The following MAP7 variants were observed in gnomAD, a reference collection of about 807,000 sequenced individuals.
MAP7 encodes the protein microtubule associated protein 7, also known as ensconsin.
A neutral mutation model predicts 94.8 loss-of-function variants in MAP7; 52 were observed. The ratio of observed to expected loss-of-function variants is 0.55; its 90% CI spans 0.44 to 0.69. The LOEUF (loss-of-function observed/expected upper bound fraction) is 0.69. MAP7 is among the 30% of genes least tolerant of loss of function. MAP7 has a pLI of 0.00. For synonymous variants in MAP7, 350 were observed against 357.0 expected (o/e 0.98, Z 0.22); for missense variants, 940 against 964.6 (o/e 0.97, Z 0.34).
At chr6:136,487,388 T>C (rs147432746) in intron 1 of MAP7, among the ~76,000 whole-genome samples, 1 of 152,232 alleles carries the variant, frequency 6.6e-6, no homozygotes, top group East Asian at 1.9e-4. Flanking sequence ...TTATAGATGA[T>C]TTAGAAACAA....
intron 1 of MAP7, among the ~76,000 whole-genome samples, chr6:136,508,470 T>A (rs990467754): frequency 3.3e-5 from 5 of 152,216 alleles, no homozygotes; most frequent in African/African-American, 9.6e-5. Context: ...TTAATTTTTT[T>A]ATCAAATGTT....
At chr6:136,514,377 G>A (rs1450137010) in intron 1 of MAP7, among the ~76,000 whole-genome samples, 3 of 152,010 alleles carry the variant, frequency 2.0e-5, no homozygotes, top group African/African-American at 7.2e-5. Context: ...CTGAGGTCAG[G>A]AGTTTGAGAC....
At chr6:136,490,103 A>T (rs1816104122) in intron 1 of MAP7, among the ~76,000 whole-genome samples, 2 of 152,322 alleles carry the variant, frequency 1.3e-5, no homozygotes, top group South Asian at 4.1e-4. Flanking sequence ...AGCCTTCAAC[A>T]ATCACATGCT....
At chr6:136,370,707 C>T (rs1023694889) in intron 8 of MAP7, among the ~76,000 whole-genome samples, 10 of 151,908 alleles carry the variant, frequency 6.6e-5, no homozygotes, top group Non-Finnish European at 1.5e-5. Context: ...TATAAAGTAG[C>T]TAAATTCATA....
At chr6:136,476,835 G>T (rs995581481) in intron 1 of MAP7, among the ~76,000 whole-genome samples, 1 of 152,100 alleles carries the variant, frequency 6.6e-6, no homozygotes, top group East Asian at 1.9e-4. Flanking sequence ...TTAGCAAAAA[G>T]AATTATAACT....
intron 5 of MAP7, among the ~76,000 whole-genome samples, chr6:136,386,103 C>T (rs892213101): frequency 3.9e-5 from 6 of 152,122 alleles, no homozygotes; most frequent in African/African-American, 9.7e-5. Context: ...CAGTGCTAGT[C>T]GATGGCCAGC....
Position 136,360,988 on chromosome 6 carries a change from G to T in MAP7, c.1701+17C>A. ...CTGCGGGACTGGGGCCGGGGCCAGG[G>T]TGGGGTGCGGCCGCACCTGCCTCTG... is the stretch of plus-strand genomic sequence containing the variant. On this transcript the variant is annotated intron_variant, in intron 12 of 17. Transcript: ENST00000354570. 1 of 1,560,012 alleles carries T rather than the reference G, an allele frequency of 6.4e-7. No individual in the cohort carries two copies. The highest frequency in any genetic ancestry group is 8.6e-7 in the Non-Finnish European group (1 of 1,161,078).
At chr6:136,390,876 A>G (rs528875031) in intron 3 of MAP7, among the ~76,000 whole-genome samples, 1 of 152,242 alleles carries the variant, frequency 6.6e-6, no homozygotes, top group East Asian at 1.9e-4. Context: ...TTCTCCTGGC[A>G]TCATTCAGGG....
intron 1 of MAP7, among the ~76,000 whole-genome samples, chr6:136,457,825 T>C (rs1803835263): frequency 6.6e-6 from 1 of 152,074 alleles, no homozygotes; most frequent in Non-Finnish European, 1.5e-5. Flanking sequence ...AGGCCATATA[T>C]GAAACCTCAC....
At chr6:136,441,820 G>C (rs1797954356) in intron 1 of MAP7, among the ~76,000 whole-genome samples, 1 of 152,184 alleles carries the variant, frequency 6.6e-6, no homozygotes, top group Non-Finnish European at 1.5e-5. Flanking sequence ...TTGTAGATCA[G>C]CCTGGATAAC....
chr6:136,389,293 A>C, intron 4 of MAP7, 61 bp downstream of exon 4: 1 of 1,496,484 alleles, frequency 6.7e-7, no homozygotes, highest in Non-Finnish European at 8.9e-7. Context: ...AGTTTCACAG[A>C]AAGTTTGCTG....
rs1193749181 is a variant in MAP7, at chr6:136,526,571, A to G, written c.67+23771T>C. On this transcript the variant is annotated intron_variant, in intron 1 of 17. Transcript: ENST00000354570. ...CAGCTGAGAAGCGGCAGCTTGCAGG[A>G]TGCTGGGTTCTGGGAACTCACCAGC... The G allele has an allele frequency of 4.1e-6, 4 of 985,520 alleles. No homozygotes were observed. In the East Asian group the frequency reaches 4.5e-4, roughly 112 times the overall value. The allele number at this position is 985,520 out of a possible 1,614,324, so 61.0% of individuals were successfully genotyped here. A position where few individuals can be genotyped will look rare whatever the true frequency, so the allele number is the denominator to read the frequency against.
chr6:136,469,146 T>C (rs1476785878), intron 1 of MAP7, among the ~76,000 whole-genome samples: 1 of 152,154 alleles, frequency 6.6e-6, no homozygotes, highest in Non-Finnish European at 1.5e-5. Flanking sequence ...ATCAATTATG[T>C]ATCATCTTAA....
chr6:136,521,056 G>A (rs1230513182), intron 1 of MAP7, among the ~76,000 whole-genome samples: 2 of 152,144 alleles, frequency 1.3e-5, no homozygotes, highest in South Asian at 4.1e-4. Flanking sequence ...ACTGGAGCAC[G>A]CATGACCCAT....
rs937005280 is a variant in MAP7, at chr6:136,489,392, C to A, written c.67+60950G>T. 5.9e-5 allele frequency among the ~76,000 whole-genome samples: 9 copies of A among 152,156 alleles called. No homozygotes were observed. In the South Asian group the frequency reaches 1.9e-3, roughly 32 times the overall value. On this transcript the variant is annotated intron_variant, in intron 1 of 17. Transcript: ENST00000354570. ...CCTTTTATCCCGAACATTAATGATTCCTTTTTTTCTTTTCCATTCTTGCCT... is the reference window on the plus strand; with the variant it reads ...CCTTTTATCCCGAACATTAATGATTACTTTTTTTCTTTTCCATTCTTGCCT...
chr6:136,459,842 G>A (rs1487450879), intron 1 of MAP7, among the ~76,000 whole-genome samples: 1 of 152,070 alleles, frequency 6.6e-6, no homozygotes, highest in Non-Finnish European at 1.5e-5. Flanking sequence ...TGATGCCTAT[G>A]GTTAATGATC....
intron 3 of MAP7, among the ~76,000 whole-genome samples, chr6:136,396,655 T>C (rs936656395): frequency 1.3e-5 from 2 of 152,180 alleles, no homozygotes; most frequent in African/African-American, 2.4e-5. Flanking sequence ...TTATAATTCA[T>C]TGGGAACTAC....
intron 16 of MAP7, among the ~76,000 whole-genome samples, chr6:136,356,451 C>G (rs887305734): frequency 6.6e-6 from 1 of 152,142 alleles, no homozygotes; most frequent in Non-Finnish European, 1.5e-5. Flanking sequence ...CAGGAGTGAG[C>G]CCTGCACTTG....
chr6:136,383,728 CG>C lies in MAP7; in HGVS notation c.579del (p.Val194SerfsTer14). The C allele has an allele frequency of 6.2e-7, 1 of 1,610,870 alleles. No homozygotes were observed. The highest frequency in any genetic ancestry group is 8.5e-7 in the Non-Finnish European group (1 of 1,178,458). On this transcript the variant is annotated frameshift_variant, in exon 6 of 18. Coordinates refer to ENST00000354570, the MANE Select transcript of MAP7 (RefSeq NM_003980.6). LOFTEE classifies it high-confidence loss of function. ...GAAGAGGAGAGCCGCTTGCTAATGACGGGATCAACATATTTCGAAAGATTCA... is the reference window on the plus strand; with the variant it reads ...GAAGAGGAGAGCCGCTTGCTAATGACGGATCAACATATTTCGAAAGATTCA... Reference protein sequence around the residue: ...STMNLSKYVDPVISKRLSSSS... With the variant: ...STMNLSKYVDXVISKRLSSSS...
Sources: allele counts gnomAD v4.1 joint callset (sites outside exome capture counted in the v4.1 genomes callset), GRCh38; gene constraint gnomAD v4.1.1; transcripts MANE v1.5; gene names NCBI Gene and HGNC (gene_info 2026-07-23, HGNC 2026-07-21).